DAAM1: variants seen among roughly 807,000 people sequenced by gnomAD.
DAAM1 encodes the protein disheveled-associated activator of morphogenesis 1.
Under a neutral mutation model 130.0 loss-of-function variants are expected in DAAM1, and 52 were observed. The observed-to-expected ratio is 0.40, with a 90% CI of 0.32 to 0.50. DAAM1 has a LOEUF of 0.50. Ranked by LOEUF, DAAM1 falls within the 20% of genes least tolerant of loss-of-function variation. DAAM1 has a pLI of 0.61. For synonymous variants in DAAM1, 452 were observed against 444.5 expected, an observed-to-expected ratio of 1.02 and a Z score of -0.21; for missense variants, 1,134 against 1,303.8, an observed-to-expected ratio of 0.87 and a Z score of 2.01.
chr14:59,346,148 G>T (rs1886072677), intron 16 of DAAM1, among the ~76,000 whole-genome samples: 1 of 148,078 alleles, frequency 6.8e-6, no homozygotes, highest in Non-Finnish European at 1.5e-5. Flanking sequence ...TGGGGGGGGG[G>T]GGGTGCCTGG....
Position 59,210,353 on chromosome 14 carries a change from T to TC in DAAM1, c.-38+21587dup, listed in dbSNP as rs1476386840. On this transcript the variant is annotated intron_variant, in intron 1 of 24. Transcript: ENST00000360909. ...TTTAAAAATTTATTAAATATAACTT[T>TC]CCTCCCTAGGTCATTTATATTTTTC... 3.3e-5 allele frequency among the ~76,000 whole-genome samples: 5 copies of TC among 152,220 alleles called. No homozygotes were observed. The East Asian group carries it at 9.6e-4, about 29-fold the overall frequency.
chr14:59,302,394 T>A (rs1431619436), intron 3 of DAAM1, among the ~76,000 whole-genome samples: 3 of 152,168 alleles, frequency 2.0e-5, no homozygotes. Flanking sequence ...TGGGGAGTCA[T>A]GGGGAGCATG....
At position 59,327,211 on chromosome 14, in the gene DAAM1, TA is replaced by T. The variant is rs1885237747; in HGVS notation, c.1372+223del. On this transcript the variant is annotated intron_variant, in intron 12 of 24. Transcript: ENST00000360909. ...ATTTTATCCTTTTATTATAATCATGTAAATGTTTTGAAAAGCTTATAGCATT... is the reference window on the plus strand; with the variant it reads ...ATTTTATCCTTTTATTATAATCATGTAATGTTTTGAAAAGCTTATAGCATT... Among the ~76,000 whole-genome samples, 3 of 152,104 alleles carry T rather than the reference TA, an allele frequency of 2.0e-5. 1 individual carries two copies. The South Asian group carries it at 6.2e-4, about 32-fold the overall frequency.
chr14:59,236,566 T>G (rs1002658517), intron 1 of DAAM1, among the ~76,000 whole-genome samples: 5 of 152,188 alleles, frequency 3.3e-5, no homozygotes, highest in Non-Finnish European at 7.4e-5. Context: ...TTCCCAGATG[T>G]TATCTTCATG....
chr14:59,214,497 G>GT (rs916636875), intron 1 of DAAM1, among the ~76,000 whole-genome samples: 1 of 152,194 alleles, frequency 6.6e-6, no homozygotes, highest in South Asian at 2.1e-4. Flanking sequence ...TTCCCATGTA[G>GT]TTTGACAGAT....
At chr14:59,231,688 A>C (rs1253886243) in intron 1 of DAAM1, among the ~76,000 whole-genome samples, 1 of 152,118 alleles carries the variant, frequency 6.6e-6, no homozygotes, top group Non-Finnish European at 1.5e-5. Flanking sequence ...AATAAAACTC[A>C]CATCACCGGC....
chr14:59,256,971 CTT>C (rs1395847650), intron 1 of DAAM1, among the ~76,000 whole-genome samples: 4 of 152,182 alleles, frequency 2.6e-5, no homozygotes, highest in Non-Finnish European at 5.9e-5. Flanking sequence ...CAGCGAGTCT[CTT>C]TTCAATGGCA....
Position 59,368,977 on chromosome 14 carries a change from G to T in DAAM1, c.*118G>T. ...GCAATTTTTTCCTTCATCTGTGAGT[G>T]AATGTGTGAACGTGTGTATGTAAAT... On this transcript the variant is annotated 3_prime_UTR_variant, in exon 25 of 25. Coordinates refer to ENST00000360909, the MANE Select transcript of DAAM1 (RefSeq NM_001270520.2). 3 of 822,688 alleles carry T rather than the reference G, an allele frequency of 3.6e-6. No homozygotes were observed. Among genetic ancestry groups the T allele is most frequent in the Non-Finnish European group, 3.8e-6 (2 of 528,176 alleles). The allele number at this position is 822,688 out of a possible 1,614,324, so 51.0% of individuals were successfully genotyped here.
At chr14:59,224,560 T>C (rs549149721) in intron 1 of DAAM1, among the ~76,000 whole-genome samples, 31 of 152,378 alleles carry the variant, frequency 2.0e-4, no homozygotes, top group African/African-American at 7.0e-4. Context: ...AGATGAATCA[T>C]ACATTTGAGT....
intron 2 of DAAM1, among the ~76,000 whole-genome samples, chr14:59,286,421 C>G (rs933641518): frequency 2.0e-5 from 3 of 151,814 alleles, no homozygotes; most frequent in African/African-American, 7.3e-5. Context: ...AAGAAATAAC[C>G]AAAATCAGAG....
At chr14:59,354,977 C>T (rs1886421413) in intron 19 of DAAM1, among the ~76,000 whole-genome samples, 188 bp from the exon 20 acceptor site, 1 of 152,208 alleles carries the variant, frequency 6.6e-6, no homozygotes, top group Admixed American at 6.5e-5. Flanking sequence ...TGAGTTGGCT[C>T]TCCCTGTCCT....
At chr14:59,262,294 C>T (rs901606924) in intron 1 of DAAM1, among the ~76,000 whole-genome samples, 9 of 152,196 alleles carry the variant, frequency 5.9e-5, no homozygotes, top group Admixed American at 2.0e-4. Flanking sequence ...TTTAAAAAGA[C>T]GCAATGGCAT....
chr14:59,226,736 G>A (rs1888954457), intron 1 of DAAM1, among the ~76,000 whole-genome samples: 1 of 152,172 alleles, frequency 6.6e-6, no homozygotes. Context: ...TGCTGAAGTA[G>A]AAGTTTAGAA....
intron 3 of DAAM1, among the ~76,000 whole-genome samples, chr14:59,295,666 G>A (rs759697309): frequency 3.9e-5 from 6 of 152,138 alleles, no homozygotes; most frequent in Admixed American, 6.5e-5. Flanking sequence ...AAAGAAACAC[G>A]TGTTAAAGTA....
chr14:59,322,501 GA>G (rs10570231), intron 5 of DAAM1, among the ~76,000 whole-genome samples: 35,001 of 147,306 alleles, frequency 0.24, 4,304 homozygotes, highest in East Asian at 0.34. Context: ...CTCTCTTAAA[GA>G]AAAAAAAAAA....
intron 1 of DAAM1, among the ~76,000 whole-genome samples, chr14:59,237,983 T>G (rs1656955829): frequency 1.3e-5 from 2 of 152,190 alleles, no homozygotes; most frequent in East Asian, 3.8e-4. Context: ...TTGAAGCCAT[T>G]TAGAGAGCAA....
At chr14:59,192,149 GGTGTGTGTGTGTGTGT>G (rs55791691) in intron 1 of DAAM1, among the ~76,000 whole-genome samples, 212 of 138,648 alleles carry the variant, frequency 1.5e-3, no homozygotes, top group South Asian at 7.4e-3. Flanking sequence ...CTTGTTAAGG[GGTGTGTGTGTGTGTGT>G]GTGTGTGTGT....
rs1399412333 is a variant in DAAM1 at position 59,370,071 on chromosome 14, T to C, written c.*1212T>C. On this transcript the variant is annotated 3_prime_UTR_variant, in exon 25 of 25. Coordinates refer to ENST00000360909, the MANE Select transcript of DAAM1 (RefSeq NM_001270520.2). ...TGAACATTAGAAAATAAAATATAGA[T>C]GCTTACCATTAACCTACCAACTCTT... is the stretch of plus-strand genomic sequence containing the variant. 2 of 150,368 alleles carry C rather than the reference T, an allele frequency of 1.3e-5. No individual in the cohort carries two copies. The highest frequency in any genetic ancestry group is 3.0e-5 in the Non-Finnish European group (2 of 67,684). 9.3% of individuals were successfully genotyped at this position (150,368 alleles called of 1,614,324 possible).
At chr14:59,299,869 A>G (rs1222719596) in intron 3 of DAAM1, 1 of 152,116 alleles carries the variant, frequency 6.6e-6, no homozygotes, top group African/African-American at 2.4e-5. Context: ...GTCAGCCTGC[A>G]CTGCACTTTT....
Sources: allele counts gnomAD v4.1 joint callset (sites outside exome capture counted in the v4.1 genomes callset), GRCh38; gene constraint gnomAD v4.1.1; transcripts MANE v1.5; gene names NCBI Gene and HGNC (gene_info 2026-07-23, HGNC 2026-07-21).